GARS1: variants seen among roughly 807,000 people sequenced by gnomAD.
GARS1 encodes glycine--tRNA ligase.
Under a neutral mutation model 86.4 loss-of-function variants are expected in GARS1, and 46 were observed. The ratio of observed to expected loss-of-function variants is 0.53; its 90% CI spans 0.42 to 0.68. The LOEUF (loss-of-function observed/expected upper bound fraction) is 0.68. Ranked by LOEUF, GARS1 falls within the 30% of genes least tolerant of loss-of-function variation. The probability of loss-of-function intolerance (pLI) is 0.00; values close to 1 mark genes in which losing one functional copy is unlikely to be tolerated. For missense variants in GARS1, 797 were observed against 915.6 expected, an observed-to-expected ratio of 0.87 and a Z score of 1.67; for synonymous variants, 342 against 329.8, an observed-to-expected ratio of 1.04 and a Z score of -0.40.
At chr7:30,622,242 A>AT (rs1783027099) in intron 11 of GARS1, 75 bp from the exon 12 acceptor site, 3 of 1,569,916 alleles carry the variant, frequency 1.9e-6, no homozygotes, top group Non-Finnish European at 2.6e-6. Context: ...TAAGTTGATG[A>AT]TTGATTGTTC....
rs147169899 is a variant in GARS1, at chr7:30,599,655, G to T, written c.325-292G>T. 8.8e-3 allele frequency among the ~76,000 whole-genome samples: 1,333 copies of T among 152,148 alleles called. 8 individuals are homozygous for T. The highest frequency in any genetic ancestry group is 0.013 in the Non-Finnish European group (893 of 68,008). On this transcript the variant is annotated intron_variant, in intron 2 of 16. Coordinates refer to ENST00000389266, the MANE Select transcript of GARS1 (RefSeq NM_002047.4). Reference sequence around the variant, plus strand: ...TGACCTCAGGTGATCCACCCACTTCGGCCTCCCAAAGTACTGGGATTACAG... The same window carrying T: ...TGACCTCAGGTGATCCACCCACTTCTGCCTCCCAAAGTACTGGGATTACAG...
At chr7:30,627,163 G>A (rs1465865449) in intron 13 of GARS1, 2 of 425,200 alleles carry the variant, frequency 4.7e-6, no homozygotes, top group African/African-American at 2.1e-5. Flanking sequence ...AGTAATGGGT[G>A]TTTGAGAAGC....
chr7:30,612,750 A>G (rs1015211668), intron 8 of GARS1, among the ~76,000 whole-genome samples: 6 of 152,144 alleles, frequency 3.9e-5, no homozygotes, highest in African/African-American at 9.7e-5. Flanking sequence ...GGGGGCCTAT[A>G]TGACAGAAAG....
At chr7:30,630,934 A>G (rs149658976) in intron 14 of GARS1, among the ~76,000 whole-genome samples, 5 of 152,306 alleles carry the variant, frequency 3.3e-5, no homozygotes, top group African/African-American at 1.2e-4. Context: ...TCTTTTGGAC[A>G]TATGTTTGTG....
At position 30,621,448 on chromosome 7, in the gene GARS1, A is replaced by G. The variant is rs1060502838; in HGVS notation, c.1415A>G (p.His472Arg). 6.2e-7 allele frequency: 1 copy of G among 1,614,198 alleles called. No homozygotes were observed. The highest frequency in any genetic ancestry group is 8.5e-7 in the Non-Finnish European group (1 of 1,180,034). ...CGTTCCTGTTATGACCTCTCCTGTCATGCACGAGCCACCAAAGTCCCACTT... is the reference window on the plus strand; with the variant it reads ...CGTTCCTGTTATGACCTCTCCTGTCGTGCACGAGCCACCAAAGTCCCACTT... Reference protein sequence around the residue: ...ADRSCYDLSCHARATKVPLVA... With the variant: ...ADRSCYDLSCRARATKVPLVA... Residue 472 changes from histidine to arginine, a missense_variant, in exon 11 of 17, where the codon CAT becomes CGT. Coordinates refer to ENST00000389266, the MANE Select transcript of GARS1 (RefSeq NM_002047.4).
intron 2 of GARS1, 26 bp from the exon 3 acceptor site, chr7:30,599,921 C>T: frequency 1.4e-6 from 2 of 1,427,712 alleles, no homozygotes; most frequent in African/African-American, 1.4e-5. Flanking sequence ...CCTCCACTCA[C>T]TCACTTTTTA....
intron 10 of GARS1, 50 bp from the exon 11 acceptor site, chr7:30,621,343 A>G (rs749464393): frequency 1.7e-5 from 25 of 1,449,608 alleles, no homozygotes; most frequent in Non-Finnish European, 1.9e-5. Flanking sequence ...AATGAACCCA[A>G]TATAAGTAAT....
chr7:30,625,132 C>T (rs957220818), intron 12 of GARS1, among the ~76,000 whole-genome samples: 6 of 152,070 alleles, frequency 3.9e-5, no homozygotes, highest in Non-Finnish European at 5.9e-5. Context: ...TTAGTAGAGA[C>T]GGGGTTTCAC....
intron 10 of GARS1, among the ~76,000 whole-genome samples, chr7:30,619,135 G>C (rs1782947654): frequency 1.3e-5 from 2 of 152,180 alleles, no homozygotes; most frequent in Admixed American, 1.3e-4. Flanking sequence ...CCAGTGAGTG[G>C]TGAGGCTGGG....
intron 7 of GARS1, among the ~76,000 whole-genome samples, 186 bp downstream of exon 7, chr7:30,609,916 T>A (rs1298327394): frequency 2.0e-5 from 3 of 152,202 alleles, no homozygotes; most frequent in Non-Finnish European, 4.4e-5. Context: ...TGAATATAAT[T>A]TCTTTTTTGG....
chr7:30,627,239 C>T, intron 13 of GARS1: 1 of 344,216 alleles, frequency 2.9e-6, no homozygotes, highest in South Asian at 2.3e-5. Flanking sequence ...AGCCAGGCTT[C>T]AGTGAGCAGT....
intron 8 of GARS1, among the ~76,000 whole-genome samples, chr7:30,613,413 G>A: frequency 6.6e-6 from 1 of 152,136 alleles, no homozygotes; most frequent in East Asian, 1.9e-4. Flanking sequence ...GAGTGTTTTT[G>A]TTTTTTTGTT....
chr7:30,594,854 G>A, upstream of GARS1: 1 of 1,359,558 alleles, frequency 7.4e-7, no homozygotes, highest in South Asian at 1.3e-5. Flanking sequence ...ATTTCATCAT[G>A]CTCCGAGCCG....
chr7:30,609,877 C>A, intron 7 of GARS1, 147 bp downstream of exon 7: 2 of 683,764 alleles, frequency 2.9e-6, no homozygotes, highest in Non-Finnish European at 2.5e-6. Flanking sequence ...GAAATAATGG[C>A]AGAAATAAAT....
At chr7:30,623,264 C>T (rs1057469545) in intron 12 of GARS1, among the ~76,000 whole-genome samples, 6 of 151,676 alleles carry the variant, frequency 4.0e-5, no homozygotes, top group Admixed American at 2.0e-4. Flanking sequence ...AAAAGAAACA[C>T]CCAGAAAAAA....
intron 2 of GARS1, among the ~76,000 whole-genome samples, chr7:30,599,155 A>G (rs1052277631): frequency 2.0e-5 from 3 of 152,156 alleles, no homozygotes; most frequent in Non-Finnish European, 4.4e-5. Context: ...ATGAATTTCC[A>G]TGGAAAGGAT....
chr7:30,606,894 A>G (rs545198763), intron 6 of GARS1, among the ~76,000 whole-genome samples: 2 of 152,194 alleles, frequency 1.3e-5, no homozygotes, highest in African/African-American at 2.4e-5. Flanking sequence ...AGTTAGGTTT[A>G]TAGGGTTTTT....
At position 30,614,041 on chromosome 7, in the gene GARS1, T is replaced by C. The variant is rs1464350716; in HGVS notation, c.1031+1796T>C. Among the ~76,000 whole-genome samples, 5 of 152,344 alleles carry C rather than the reference T, an allele frequency of 3.3e-5. No homozygotes were observed. The South Asian group carries it at 6.2e-4, about 19-fold the overall frequency. On this transcript the variant is annotated intron_variant, in intron 8 of 16. Transcript: ENST00000389266. ...ACAGTTTCAGGTACAGTTGCTGAAC[T>C]GAGATACAGTTACTCAGAATTCTGA...
At chr7:30,595,741 A>T in intron 1 of GARS1, 2 of 470,900 alleles carry the variant, frequency 4.2e-6, no homozygotes, top group South Asian at 3.1e-5. Context: ...TGAAATGTGG[A>T]TGTGGGGAGG....
Sources: allele counts gnomAD v4.1 joint callset (sites outside exome capture counted in the v4.1 genomes callset), GRCh38; gene constraint gnomAD v4.1.1; transcripts MANE v1.5; gene names NCBI Gene and HGNC (gene_info 2026-07-23, HGNC 2026-07-21).